Variants in EPHA6 observed in about 807,000 individuals in gnomAD.
EPHA6 encodes ephrin type-A receptor 6.
EPHA6 carries 50 observed loss-of-function variants against 112.0 expected under a neutral mutation model. The ratio of observed to expected loss-of-function variants is 0.45; its 90% confidence interval spans 0.36 to 0.56. The LOEUF (loss-of-function observed/expected upper bound fraction) is 0.56, where lower values mean the gene tolerates loss of function less well. Ranked by LOEUF, EPHA6 falls within the 20% of genes least tolerant of loss-of-function variation. EPHA6 has a pLI of 0.00. For synonymous variants in EPHA6, 529 were observed against 490.7 expected, an observed-to-expected ratio of 1.08 and a Z score of -1.03; for missense variants, 1,280 against 1,417.4, an observed-to-expected ratio of 0.90 and a Z score of 1.56.
intron 3 of EPHA6, among the ~76,000 whole-genome samples, chr3:97,006,120 T>A (rs1466201613): frequency 6.6e-6 from 1 of 152,218 alleles, no homozygotes; most frequent in Admixed American, 6.5e-5. Context: ...ATCAGGATGA[T>A]GTTGGCTTCA....
At chr3:96,945,081 C>A (rs116200980) in intron 2 of EPHA6, among the ~76,000 whole-genome samples, 2,569 of 152,228 alleles carry the variant, frequency 0.017, 72 homozygotes, top group African/African-American at 0.056. Context: ...CTTAATTTTA[C>A]TTTTTCTGAA....
chr3:97,304,022 T>C (rs1436429982), intron 5 of EPHA6, among the ~76,000 whole-genome samples: 3 of 151,974 alleles, frequency 2.0e-5, no homozygotes, highest in Admixed American at 6.6e-5. Context: ...TGGGAGTTCA[T>C]TTATGATTTG....
chr3:97,489,685 T>TAAAAAA (rs60356185), intron 10 of EPHA6, among the ~76,000 whole-genome samples: 1 of 133,436 alleles, frequency 7.5e-6, no homozygotes, highest in Non-Finnish European at 1.6e-5. Context: ...GACTCCGTCT[T>TAAAAAA]AAAAAAAAAA....
intron 3 of EPHA6, among the ~76,000 whole-genome samples, chr3:97,072,329 A>G (rs781493510): frequency 6.6e-5 from 10 of 152,098 alleles, no homozygotes; most frequent in Non-Finnish European, 1.3e-4. Context: ...GGTGGACCCC[A>G]ATCCCGTATG....
At chr3:97,031,846 G>C (rs1576356485) in intron 3 of EPHA6, among the ~76,000 whole-genome samples, 1 of 152,130 alleles carries the variant, frequency 6.6e-6, no homozygotes. Context: ...TACACTGTTG[G>C]TGGGACTGTA....
At chr3:97,531,115 A>G (rs2092690252) in intron 10 of EPHA6, among the ~76,000 whole-genome samples, 1 of 152,040 alleles carries the variant, frequency 6.6e-6, no homozygotes, top group South Asian at 2.1e-4. Flanking sequence ...GTTTGTAAGC[A>G]TTTTGACATA....
intron 5 of EPHA6, among the ~76,000 whole-genome samples, chr3:97,270,550 C>A (rs77693345): frequency 2.4e-4 from 37 of 152,290 alleles, no homozygotes; most frequent in Non-Finnish European, 3.5e-4. Flanking sequence ...TCGGATTTGC[C>A]TAAAACAATA....
chr3:97,577,464 A>G (rs1370683884), intron 11 of EPHA6, among the ~76,000 whole-genome samples: 1 of 151,874 alleles, frequency 6.6e-6, no homozygotes, highest in Non-Finnish European at 1.5e-5. Context: ...CTTTCTTTTC[A>G]TCATACATCT....
At chr3:97,610,880 T>G (rs1216827487) in intron 13 of EPHA6, 26 bp downstream of exon 13, 1 of 1,530,462 alleles carries the variant, frequency 6.5e-7, no homozygotes, top group Non-Finnish European at 9.0e-7. Flanking sequence ...CTGATGGCAT[T>G]TAAATAAGCT....
chr3:97,008,324 T>G (rs896528484), intron 3 of EPHA6, among the ~76,000 whole-genome samples: 6 of 152,164 alleles, frequency 3.9e-5, no homozygotes, highest in Admixed American at 3.9e-4. Flanking sequence ...TTTTTCTCTA[T>G]TCTTGTCTGC....
At chr3:96,939,760 A>G (rs1186955768) in intron 2 of EPHA6, among the ~76,000 whole-genome samples, 3 of 152,166 alleles carry the variant, frequency 2.0e-5, no homozygotes, top group Admixed American at 6.5e-5. Flanking sequence ...ATTTCCCTCT[A>G]CACATTGCTT....
chr3:97,186,631 A>G lies in EPHA6; in HGVS notation c.1115-39633A>G, dbSNP rs564005675. ...GCTCAGCCCTTGAATTAGTTTGTCA[A>G]CCTTTGCTACTCAAAACATTTCTCA... On this transcript the variant is annotated intron_variant, in intron 3 of 17. Coordinates refer to ENST00000389672, the MANE Select transcript of EPHA6 (RefSeq NM_001080448.3). Among the ~76,000 whole-genome samples the G allele has an allele frequency of 2.0e-5, 3 of 152,274 alleles. No homozygotes were observed. In the South Asian group the frequency reaches 6.2e-4, roughly 32 times the overall value.
At chr3:97,365,450 G>A (rs986964509) in intron 5 of EPHA6, among the ~76,000 whole-genome samples, 14 of 151,898 alleles carry the variant, frequency 9.2e-5, no homozygotes, top group Non-Finnish European at 2.1e-4. Context: ...GAGTGCTATG[G>A]CGTGATCTCG....
chr3:97,451,520 C>G (rs1032765703), intron 7 of EPHA6, among the ~76,000 whole-genome samples: 2 of 150,456 alleles, frequency 1.3e-5, no homozygotes, highest in Admixed American at 6.6e-5. Flanking sequence ...TTTGTGTAAA[C>G]CTGATGTTTG....
chr3:97,106,547 A>C (rs2047575010), intron 3 of EPHA6, among the ~76,000 whole-genome samples: 1 of 152,048 alleles, frequency 6.6e-6, no homozygotes, highest in East Asian at 1.9e-4. Context: ...ATCTGCTGAG[A>C]GCTACTTTTA....
intron 10 of EPHA6, among the ~76,000 whole-genome samples, chr3:97,529,201 C>T (rs2092667009): frequency 6.6e-6 from 1 of 152,050 alleles, no homozygotes; most frequent in Non-Finnish European, 1.5e-5. Context: ...GACTCTGAAA[C>T]CAGACAGCCT....
intron 13 of EPHA6, among the ~76,000 whole-genome samples, chr3:97,637,052 G>C (rs532048216): frequency 6.6e-6 from 1 of 151,710 alleles, no homozygotes; most frequent in African/African-American, 2.4e-5. Context: ...GGTCTTGTTG[G>C]TGCATACATT....
chr3:97,681,580 T>C (rs1435259146), intron 14 of EPHA6, among the ~76,000 whole-genome samples: 2 of 152,042 alleles, frequency 1.3e-5, no homozygotes, highest in Non-Finnish European at 2.9e-5. Context: ...AAACATATTA[T>C]TTAATGAAAA....
At chr3:96,828,242 A>G (rs1227549232) in intron 1 of EPHA6, among the ~76,000 whole-genome samples, 1 of 152,126 alleles carries the variant, frequency 6.6e-6, no homozygotes. Flanking sequence ...GCTGTTCAGA[A>G]CAGCAGCTGG....
Sources: gnomAD v4.1 joint callset for allele counts (sites outside exome capture counted in the v4.1 genomes callset) on GRCh38, gnomAD v4.1.1 for gene constraint, MANE v1.5 for transcripts, NCBI Gene and HGNC (gene_info 2026-07-23, HGNC 2026-07-21) for gene names.